BAZ1A: variants seen among roughly 807,000 people sequenced by gnomAD.
BAZ1A encodes bromodomain adjacent to zinc finger domain 1A.
In BAZ1A, 50 loss-of-function variants were observed where a neutral mutation model predicts 185.2. The observed-to-expected ratio is 0.27, with a 90% CI of 0.22 to 0.34. The LOEUF is 0.34. BAZ1A is among the 10% of genes least tolerant of loss of function. BAZ1A has a pLI of 1.00. For missense variants in BAZ1A, 1,356 were observed against 1,839.9 expected (o/e 0.74, Z 4.81); for synonymous variants, 571 against 615.6 (o/e 0.93, Z 1.07).
At chr14:34,833,655 A>G (rs2042285556) in intron 3 of BAZ1A, among the ~76,000 whole-genome samples, 1 of 152,214 alleles carries the variant, frequency 6.6e-6, no homozygotes, top group African/African-American at 2.4e-5. Context: ...TCACAGAGAA[A>G]GAACATAGAA....
At chr14:34,846,807 C>T (rs567988750) in intron 3 of BAZ1A, among the ~76,000 whole-genome samples, 2 of 152,102 alleles carry the variant, frequency 1.3e-5, no homozygotes, top group Non-Finnish European at 2.9e-5. Context: ...GATAGTTCTA[C>T]TCTAACTTAG....
At chr14:34,860,992 CAAGTA>C (rs1421070462) in intron 3 of BAZ1A, among the ~76,000 whole-genome samples, 1 of 152,036 alleles carries the variant, frequency 6.6e-6, no homozygotes, top group South Asian at 2.1e-4. Flanking sequence ...TTTTAAGATT[CAAGTA>C]GAGTAGCACC....
chr14:34,756,466 ATT>A (rs1158606061), intron 25 of BAZ1A, among the ~76,000 whole-genome samples: 54 of 79,012 alleles, frequency 6.8e-4, no homozygotes, highest in East Asian at 6.4e-3. Context: ...CAGAATACCT[ATT>A]TTTTTTTTTT....
At chr14:34,824,408 C>CAAAAAAAAAAAAAAAAAAAAAAAAA in intron 4 of BAZ1A, among the ~76,000 whole-genome samples, 1 of 65,772 alleles carries the variant, frequency 1.5e-5, no homozygotes. Context: ...AGCAGCAACT[C>CAAAAAAAAAAAAAAAAAAAAAAAAA]AAAAAAAAAA....
At chr14:34,811,731 T>C (rs552021487) in intron 4 of BAZ1A, among the ~76,000 whole-genome samples, 20 of 152,370 alleles carry the variant, frequency 1.3e-4, no homozygotes, top group African/African-American at 3.6e-4. Flanking sequence ...GTAGGTATTT[T>C]AGCTACTCAT....
At chr14:34,786,543 C>T (rs1880450974) in intron 12 of BAZ1A, 1 of 192,730 alleles carries the variant, frequency 5.2e-6, no homozygotes, top group South Asian at 1.2e-4. Flanking sequence ...CTCAATATAA[C>T]CTTAGAAAAG....
intron 9 of BAZ1A, among the ~76,000 whole-genome samples, chr14:34,799,997 T>C (rs1472111710): frequency 6.6e-6 from 1 of 152,202 alleles, no homozygotes; most frequent in Non-Finnish European, 1.5e-5. Context: ...TTTGGAAATC[T>C]AAACAATGAA....
intron 4 of BAZ1A, among the ~76,000 whole-genome samples, chr14:34,815,949 A>T (rs2041999575): frequency 1.3e-5 from 2 of 152,162 alleles, no homozygotes; most frequent in Admixed American, 1.3e-4. Flanking sequence ...CAAAACAATT[A>T]GGTCTGCTTC....
chr14:34,821,841 G>A (rs1036977067), intron 4 of BAZ1A, among the ~76,000 whole-genome samples: 3 of 151,852 alleles, frequency 2.0e-5, no homozygotes, highest in Admixed American at 1.3e-4. Flanking sequence ...AAAATTAGCC[G>A]GGTGTGGTGG....
chr14:34,771,437 G>T, intron 21 of BAZ1A, 74 bp downstream of exon 21: 1 of 1,364,030 alleles, frequency 7.3e-7, no homozygotes, highest in Non-Finnish European at 1.0e-6. Context: ...AGCCAATAAA[G>T]TTCTATTAGT....
intron 24 of BAZ1A, among the ~76,000 whole-genome samples, chr14:34,760,035 TAAGA>T (rs1257347051): frequency 6.6e-6 from 1 of 152,102 alleles, no homozygotes; most frequent in Non-Finnish European, 1.5e-5. Context: ...CTCACAGACC[TAAGA>T]AAGGTATAGT....
intron 2 of BAZ1A, among the ~76,000 whole-genome samples, chr14:34,868,143 GT>G (rs2042891354): frequency 6.6e-6 from 1 of 152,176 alleles, no homozygotes; most frequent in Non-Finnish European, 1.5e-5. Flanking sequence ...CCCTCCACCT[GT>G]TTTTGTAGAT....
rs1336763778 is a variant in BAZ1A, at chr14:34,868,447, T to C, written c.113+6045A>G. 2.6e-5 allele frequency among the ~76,000 whole-genome samples: 4 copies of C among 152,164 alleles called. No homozygotes were observed. In the East Asian group the frequency reaches 7.7e-4, roughly 29 times the overall value. ...CAAAGTGCAACATACTATTAATTTG[T>C]TGGGTATTGGGAAAACTAAAAAACT... is the stretch of plus-strand genomic sequence containing the variant. On this transcript the variant is annotated intron_variant, in intron 2 of 26. Coordinates refer to ENST00000360310, the MANE Select transcript of BAZ1A (RefSeq NM_013448.3).
intron 3 of BAZ1A, among the ~76,000 whole-genome samples, chr14:34,832,189 TATAC>T (rs2042252936): frequency 6.1e-5 from 4 of 65,944 alleles, no homozygotes; most frequent in Non-Finnish European, 9.6e-5. Context: ...CATATATACA[TATAC>T]ACACACACAC....
intron 23 of BAZ1A, 88 bp downstream of exon 23, chr14:34,764,619 G>T (rs570639293): frequency 1.3e-6 from 2 of 1,503,250 alleles, no homozygotes; most frequent in South Asian, 2.6e-5. Context: ...CTAAGTTACA[G>T]ACCCTAACTA....
Position 34,787,710 on chromosome 14 carries a change from A to G in BAZ1A, c.1511-1489T>C, listed in dbSNP as rs1880575684. ...AAAAACAAAACAAAACAAAACAAAAACACAATAGGAAGATTTCCCTGAATT... is the reference window on the plus strand; with the variant it reads ...AAAAACAAAACAAAACAAAACAAAAGCACAATAGGAAGATTTCCCTGAATT... On this transcript the variant is annotated intron_variant, in intron 12 of 26. Coordinates refer to ENST00000360310, the MANE Select transcript of BAZ1A (RefSeq NM_013448.3). Among the ~76,000 whole-genome samples, 3 of 152,102 alleles carry G rather than the reference A, an allele frequency of 2.0e-5. 1 individual carries two copies. The highest frequency in any genetic ancestry group is 7.2e-5 in the African/African-American group (3 of 41,424).
chr14:34,765,147 T>C lies in BAZ1A; in HGVS notation c.3423A>G (p.Ile1141Met), dbSNP rs754178887. The part of the protein sequence containing the change: ...LHLSTLDRSV[I>M]WSKSILNARC... ...GCGCATTCAGTATAGATTTAGACCATATCACGCTACGATCCAAGGTGGATA... is the reference window on the plus strand; with the variant it reads ...GCGCATTCAGTATAGATTTAGACCACATCACGCTACGATCCAAGGTGGATA... The change falls in exon 22 of 27, where the codon ATA (isoleucine) becomes ATG (methionine). Residue 1141 changes from isoleucine (I) to methionine (M), a missense_variant. By Grantham distance (10) the Ile-to-Met change is conservative. Around this residue, in one of 7 missense-constraint regions of BAZ1A, gnomAD observed 11 missense variants for 34.6 expected, o/e 0.32. Coordinates refer to ENST00000360310, the MANE Select transcript of BAZ1A (RefSeq NM_013448.3). 7 of 1,614,074 alleles carry C rather than the reference T, an allele frequency of 4.3e-6. No homozygotes were observed. The East Asian group carries it at 6.7e-5, about 15-fold the overall frequency.
intron 17 of BAZ1A, among the ~76,000 whole-genome samples, chr14:34,779,375 A>AT (rs1303703615): frequency 6.8e-6 from 1 of 148,008 alleles, no homozygotes; most frequent in Non-Finnish European, 1.5e-5. Flanking sequence ...CGTTTTAAAT[A>AT]TTTTTTAGTT....
intron 8 of BAZ1A, among the ~76,000 whole-genome samples, chr14:34,800,622 A>G (rs1205013469): frequency 6.6e-6 from 1 of 152,188 alleles, no homozygotes; most frequent in Non-Finnish European, 1.5e-5. Flanking sequence ...TGAAAGCCCT[A>G]ATACCCAAAG....
Sources: gnomAD v4.1 joint callset for allele counts (sites outside exome capture counted in the v4.1 genomes callset) on GRCh38, gnomAD v4.1.1 for gene constraint, gnomAD v4.1.1 regional missense constraint, MANE v1.5 for transcripts, NCBI Gene and HGNC (gene_info 2026-07-23, HGNC 2026-07-21) for gene names.